The following ADAMTSL1 variants were observed in gnomAD, a reference collection of about 807,000 sequenced individuals.
ADAMTSL1 encodes the protein ADAMTS-like protein 1.
Under a neutral mutation model 201.8 loss-of-function variants are expected in ADAMTSL1, and 126 were observed. The ratio of observed to expected loss-of-function variants is 0.62; its 90% confidence interval spans 0.54 to 0.72. ADAMTSL1 has a LOEUF of 0.72. Ranked by LOEUF, ADAMTSL1 falls within the 30% of genes least tolerant of loss-of-function variation. ADAMTSL1 has a pLI of 0.00. For synonymous variants in ADAMTSL1, 1,121 were observed against 903.4 expected (o/e 1.24, Z -4.32); for missense variants, 2,679 against 2,277.8 (o/e 1.18, Z -3.59).
chr9:18,462,983 G>T (rs913233001), intron 2 of ADAMTSL1, among the ~76,000 whole-genome samples: 4 of 151,724 alleles, frequency 2.6e-5, no homozygotes, highest in African/African-American at 9.7e-5. Context: ...AAAAATTAAA[G>T]AATGAAAAAG....
chr9:18,100,687 A>G (rs887702842), intron 1 of ADAMTSL1, among the ~76,000 whole-genome samples: 2 of 151,678 alleles, frequency 1.3e-5, no homozygotes, highest in Non-Finnish European at 2.9e-5. Context: ...TTCAGTGTGG[A>G]TCCCTGACCT....
At chr9:18,665,722 C>G (rs1308032216) in intron 9 of ADAMTSL1, among the ~76,000 whole-genome samples, 1 of 152,096 alleles carries the variant, frequency 6.6e-6, no homozygotes, top group Non-Finnish European at 1.5e-5. Context: ...CACTCACTGA[C>G]AACATCCACT....
chr9:18,085,663 G>T (rs1219554234), intron 1 of ADAMTSL1, among the ~76,000 whole-genome samples: 1 of 150,374 alleles, frequency 6.7e-6, no homozygotes, highest in Admixed American at 6.6e-5. Flanking sequence ...CTCTGTGTGT[G>T]TGTATATATA....
intron 2 of ADAMTSL1, among the ~76,000 whole-genome samples, chr9:18,513,985 T>C (rs1055625517): frequency 2.0e-5 from 3 of 152,216 alleles, no homozygotes; most frequent in Non-Finnish European, 4.4e-5. Context: ...TTGTTTTTTG[T>C]TTCATATGAA....
At chr9:18,796,779 T>G (rs1474809394) in intron 20 of ADAMTSL1, 1 of 152,230 alleles carries the variant, frequency 6.6e-6, no homozygotes, top group Non-Finnish European at 1.5e-5. Context: ...CCAGTTGCAA[T>G]CTTTATTCCC....
chr9:18,559,221 A>G (rs12000315), intron 3 of ADAMTSL1, among the ~76,000 whole-genome samples: 1 of 152,192 alleles, frequency 6.6e-6, no homozygotes, highest in African/African-American at 2.4e-5. Context: ...AGTTTTCTGC[A>G]TATGGCTAGC....
chr9:18,364,288 C>A (rs1836665453), intron 2 of ADAMTSL1, among the ~76,000 whole-genome samples: 1 of 152,126 alleles, frequency 6.6e-6, no homozygotes, highest in East Asian at 1.9e-4. Flanking sequence ...CCTAATCTTC[C>A]TTGTCTTTAC....
At chr9:18,500,369 A>G (rs1428077979) in intron 1 of ADAMTSL1, among the ~76,000 whole-genome samples, 1 of 152,246 alleles carries the variant, frequency 6.6e-6, no homozygotes, top group Non-Finnish European at 1.5e-5. Context: ...ATCTGTGACC[A>G]CAATCTGTAT....
intron 1 of ADAMTSL1, among the ~76,000 whole-genome samples, chr9:18,032,747 T>C (rs956691605): frequency 6.6e-6 from 1 of 152,180 alleles, no homozygotes; most frequent in Non-Finnish European, 1.5e-5. Flanking sequence ...CCAATGCAAA[T>C]GTCTGTGGGG....
chr9:18,796,025 T>G (rs1822398590), intron 20 of ADAMTSL1, among the ~76,000 whole-genome samples: 1 of 152,202 alleles, frequency 6.6e-6, no homozygotes, highest in African/African-American at 2.4e-5. Flanking sequence ...ATCCTCTTGC[T>G]CTAATGCACT....
At chr9:18,905,755 G>T (rs72692492) in intron 26 of ADAMTSL1, 27 bp from the exon 27 acceptor site, 16,218 of 1,586,004 alleles carry the variant, frequency 0.01, 548 homozygotes, top group South Asian at 0.092. Flanking sequence ...GCTAATGTGC[G>T]GTATGTTACC....
At chr9:18,646,123 TC>T (rs1037830070) in intron 7 of ADAMTSL1, among the ~76,000 whole-genome samples, 108 of 151,946 alleles carry the variant, frequency 7.1e-4, no homozygotes, top group African/African-American at 2.6e-3. Context: ...TAAGTTGGAT[TC>T]CTAGGTATTT....
chr9:18,504,981 C>T, intron 2 of ADAMTSL1, 25 bp downstream of exon 2: 1 of 1,588,632 alleles, frequency 6.3e-7, no homozygotes, highest in South Asian at 1.1e-5. Context: ...CGTTGGGGGT[C>T]TTTGTGAGAA....
intron 1 of ADAMTSL1, among the ~76,000 whole-genome samples, chr9:18,094,724 C>A (rs984764761): frequency 6.6e-6 from 1 of 151,944 alleles, no homozygotes; most frequent in African/African-American, 2.4e-5. Context: ...CCATGCCCAG[C>A]TAATTTTTTT....
At chr9:18,878,290 C>A (rs1157582887) in intron 23 of ADAMTSL1, among the ~76,000 whole-genome samples, 1 of 152,252 alleles carries the variant, frequency 6.6e-6, no homozygotes, top group African/African-American at 2.4e-5. Context: ...GTTAACCCCC[C>A]TCCCCAGGAT....
intron 2 of ADAMTSL1, among the ~76,000 whole-genome samples, chr9:18,430,744 A>T (rs1329726): frequency 7.2e-5 from 11 of 152,046 alleles, no homozygotes; most frequent in African/African-American, 2.7e-4. Flanking sequence ...CCCTTGAGCT[A>T]GAACGAAAAT....
chr9:18,743,793 C>A (rs1029022773), intron 15 of ADAMTSL1, among the ~76,000 whole-genome samples: 1 of 152,146 alleles, frequency 6.6e-6, no homozygotes, highest in African/African-American at 2.4e-5. Context: ...TCTAATATCT[C>A]CTTTGATCTT....
At chr9:17,944,574 G>C (rs112729531) in intron 1 of ADAMTSL1, among the ~76,000 whole-genome samples, 27,223 of 144,768 alleles carry the variant, frequency 0.19, 1,579 homozygotes, top group Middle Eastern at 0.25. Context: ...ATACTACAAG[G>C]CTACAGTAAC....
intron 14 of ADAMTSL1, among the ~76,000 whole-genome samples, chr9:18,715,773 T>C (rs1363773309): frequency 2.0e-5 from 3 of 151,490 alleles, no homozygotes; most frequent in African/African-American, 7.2e-5. Flanking sequence ...GAGCCCACAT[T>C]GCCCAGTCAA....
Sources: gnomAD v4.1 joint callset for allele counts (sites outside exome capture counted in the v4.1 genomes callset) on GRCh38, gnomAD v4.1.1 for gene constraint, MANE v1.5 for transcripts, NCBI Gene and HGNC (gene_info 2026-07-23, HGNC 2026-07-21) for gene names.